Variants in SHANK2 observed in about 807,000 individuals in gnomAD.
The protein encoded by SHANK2 is SH3 and multiple ankyrin repeat domains protein 2.
Under a neutral mutation model 133.7 loss-of-function variants are expected in SHANK2, and 43 were observed. That is an observed-to-expected ratio of 0.32 (90% CI 0.25 to 0.41). SHANK2 has a LOEUF of 0.41. Ranked by LOEUF, SHANK2 falls within the 10% of genes least tolerant of loss-of-function variation. SHANK2 has a pLI of 1.00. For missense variants in SHANK2, 1,994 were observed against 2,235.8 expected (o/e 0.89, Z 2.18); for synonymous variants, 1,017 against 952.8 (o/e 1.07, Z -1.24).
intron 6 of SHANK2, among the ~76,000 whole-genome samples, chr11:71,106,777 C>A (rs1951807877): frequency 6.6e-6 from 1 of 151,798 alleles, no homozygotes; most frequent in South Asian, 2.1e-4. Flanking sequence ...TGTGATCCTG[C>A]CAGCCTGGGT....
rs2058628017 is a variant in SHANK2 at position 70,473,769 on chromosome 11, T to G, written c.4980-330A>C. The G allele has an allele frequency of 1.0e-5, 4 of 384,036 alleles. No homozygotes were observed. Among genetic ancestry groups the G allele is most frequent in the Non-Finnish European group, 5.0e-6 (1 of 200,774 alleles). The allele number at this position is 384,036 out of a possible 1,614,324, so 23.8% of individuals were successfully genotyped here. A position where few individuals can be genotyped will look rare whatever the true frequency, so the allele number is the denominator to read the frequency against. Reference sequence around the variant, plus strand: ...GGACAGAGGGGCTGGGGGACCTGCCTGTGCTGGGGGGCAGGGCCGGGGGAC... The same window carrying G: ...GGACAGAGGGGCTGGGGGACCTGCCGGTGCTGGGGGGCAGGGCCGGGGGAC... On this transcript the variant is annotated intron_variant, in intron 25 of 25. Coordinates refer to ENST00000601538, the MANE Select transcript of SHANK2 (RefSeq NM_012309.5). The surrounding 1 kb of genome is among the most constrained non-coding windows in gnomAD (Gnocchi z 5.9).
chr11:70,783,985 G>T lies in SHANK2; in HGVS notation c.1777+14458C>A, dbSNP rs565173026. On this transcript the variant is annotated intron_variant, in intron 14 of 25. Transcript: ENST00000601538. Reference sequence around the variant, plus strand: ...CTTGGAGGTGACACAGACTCAGGGGGTGTGAGACACAGGGCAGGGGCCACT... The same window carrying T: ...CTTGGAGGTGACACAGACTCAGGGGTTGTGAGACACAGGGCAGGGGCCACT... Among the ~76,000 whole-genome samples the T allele has an allele frequency of 3.3e-5, 5 of 152,260 alleles. No individual in the cohort carries two copies. The East Asian group carries it at 9.7e-4, about 30-fold the overall frequency.
chr11:71,235,364 C>G (rs1555123564), intron 1 of SHANK2, among the ~76,000 whole-genome samples: 1 of 152,110 alleles, frequency 6.6e-6, no homozygotes, highest in East Asian at 1.9e-4. Context: ...GAGGCCGAGG[C>G]AGGTGGATCA....
At chr11:71,076,028 C>T (rs1221655317) in intron 8 of SHANK2, among the ~76,000 whole-genome samples, 4 of 152,190 alleles carry the variant, frequency 2.6e-5, no homozygotes, top group Non-Finnish European at 4.4e-5. Flanking sequence ...ATGAGAATCA[C>T]GTGGGACAAA....
chr11:70,643,567 GAAA>G (rs536391581), intron 17 of SHANK2, among the ~76,000 whole-genome samples: 10,072 of 92,134 alleles, frequency 0.11, 741 homozygotes, highest in African/African-American at 0.26. Context: ...CTCCGTCTCG[GAAA>G]AAAAAAAAAA....
rs1358236796 is a variant in SHANK2 at position 70,830,699 on chromosome 11, ATCT to A, written c.1175-10020_1175-10018del. On this transcript the variant is annotated intron_variant, in intron 11 of 25. Transcript: ENST00000601538. The surrounding 1 kb of genome is among the most constrained non-coding windows in gnomAD (Gnocchi z 4.4). ...CCATTTTCCCTGGAGGCTTCCAGAGATCTTCTTCTCTGAGAAAAGCCTCAGGCT... is the reference window on the plus strand; with the variant it reads ...CCATTTTCCCTGGAGGCTTCCAGAGATCTTCTCTGAGAAAAGCCTCAGGCT... Among the ~76,000 whole-genome samples, 2 of 152,134 alleles carry A rather than the reference ATCT, an allele frequency of 1.3e-5. No homozygotes were observed. Among genetic ancestry groups the A allele is most frequent in the Non-Finnish European group, 2.9e-5 (2 of 68,016 alleles).
At chr11:70,564,849 A>G (rs2059949012) in intron 17 of SHANK2, among the ~76,000 whole-genome samples, 1 of 152,206 alleles carries the variant, frequency 6.6e-6, no homozygotes, top group Non-Finnish European at 1.5e-5. Context: ...AAATGTAAAG[A>G]ACTGCTTTAT....
At chr11:71,216,710 G>A (rs1444006498) in intron 2 of SHANK2, among the ~76,000 whole-genome samples, 1 of 152,164 alleles carries the variant, frequency 6.6e-6, no homozygotes, top group African/African-American at 2.4e-5. Flanking sequence ...CACAGCCCCA[G>A]GGACGTCGTA....
chr11:70,740,299 G>C (rs1017215440), intron 14 of SHANK2, among the ~76,000 whole-genome samples: 1 of 152,012 alleles, frequency 6.6e-6, no homozygotes, highest in Non-Finnish European at 1.5e-5. Context: ...AAGGTTGTCC[G>C]CAATGGGTTC....
chr11:71,210,685 C>A (rs1954256357), intron 2 of SHANK2, among the ~76,000 whole-genome samples: 1 of 152,172 alleles, frequency 6.6e-6, no homozygotes. Context: ...CATCCACCCA[C>A]TTCCCCCCAC....
intron 14 of SHANK2, among the ~76,000 whole-genome samples, chr11:70,760,915 T>A (rs1307141650): frequency 6.6e-6 from 1 of 152,104 alleles, no homozygotes; most frequent in South Asian, 2.1e-4. Flanking sequence ...TCCAGAGCCA[T>A]GTTTGCAGGG....
intron 17 of SHANK2, among the ~76,000 whole-genome samples, chr11:70,600,381 T>C (rs534884796): frequency 1.1e-4 from 14 of 126,748 alleles, no homozygotes; most frequent in African/African-American, 4.4e-4. Context: ...ATTGCGCCAC[T>C]GCACTCCAGC....
In SHANK2 at chr11:70,485,656, A is replaced by T. The variant is rs781840660; in HGVS notation, c.4637T>A (p.Val1546Glu). 1.2e-6 allele frequency: 2 copies of T among 1,614,110 alleles called. No homozygotes were observed. The highest frequency in any genetic ancestry group is 1.7e-6 in the Non-Finnish European group (2 of 1,180,028). The change falls in exon 25 of 26, where the codon GTA (valine) becomes GAA (glutamate). Residue 1546 changes from valine to glutamate, a missense_variant. Physicochemically the swap from Val to Glu is moderately radical, Grantham distance 121. Coordinates refer to ENST00000601538, the MANE Select transcript of SHANK2 (RefSeq NM_012309.5). This position sits in a 1 kb window ranked among gnomAD's most constrained non-coding sequence, Gnocchi z 5.8. Reference protein sequence around the residue: ...GQAFMVDKPPVPPKPKMKPII... With the variant: ...GQAFMVDKPPEPPKPKMKPII... Reference sequence around the variant, plus strand: ...GGGCTTCATTTTTGGCTTAGGAGGTACTGGGGGTTTGTCAACCATAAATGC... The same window carrying T: ...GGGCTTCATTTTTGGCTTAGGAGGTTCTGGGGGTTTGTCAACCATAAATGC...
intron 2 of SHANK2, among the ~76,000 whole-genome samples, chr11:71,220,594 G>A (rs1954515966): frequency 6.6e-6 from 1 of 152,146 alleles, no homozygotes; most frequent in Admixed American, 6.5e-5. Flanking sequence ...GTATTTCTTA[G>A]GCTTAAAAAG....
intron 11 of SHANK2, among the ~76,000 whole-genome samples, chr11:70,824,205 C>A (rs1241153934): frequency 6.6e-6 from 1 of 152,012 alleles, no homozygotes; most frequent in African/African-American, 2.4e-5. Context: ...GGACACAGGG[C>A]AGCCCTGGAG....
chr11:70,572,712 C>T (rs1216355436), intron 17 of SHANK2, among the ~76,000 whole-genome samples: 2 of 152,144 alleles, frequency 1.3e-5, no homozygotes, highest in Non-Finnish European at 2.9e-5. Context: ...CAATGAGACG[C>T]CACCTCACAC....
intron 17 of SHANK2, among the ~76,000 whole-genome samples, chr11:70,589,463 A>G (rs1591617980): frequency 6.6e-6 from 1 of 152,352 alleles, no homozygotes; most frequent in East Asian, 1.9e-4. Flanking sequence ...GTTACTGCTC[A>G]TGGACAATGA....
intron 11 of SHANK2, among the ~76,000 whole-genome samples, chr11:70,862,043 G>T (rs2135505400): frequency 6.6e-6 from 1 of 152,184 alleles, no homozygotes. Context: ...GGTCTCCCAG[G>T]CCAGGGGGAA....
intron 2 of SHANK2, among the ~76,000 whole-genome samples, chr11:71,203,998 C>T (rs1555117580): frequency 6.6e-6 from 1 of 152,162 alleles, no homozygotes; most frequent in African/African-American, 2.4e-5. Context: ...ATGCCTTTTG[C>T]CTTTGCTGAT....
Sources: gnomAD v4.1 joint callset for allele counts (sites outside exome capture counted in the v4.1 genomes callset) on GRCh38, gnomAD v4.1.1 for gene constraint, Gnocchi (gnomAD v3.1) non-coding constraint, MANE v1.5 for transcripts, NCBI Gene and HGNC (gene_info 2026-07-23, HGNC 2026-07-21) for gene names.